The following CNTN5 variants were observed in gnomAD, a reference collection of about 807,000 sequenced individuals.
CNTN5 encodes the protein contactin 5, also known as contactin-5.
Under a neutral mutation model 129.1 loss-of-function variants are expected in CNTN5, and 77 were observed. The ratio of observed to expected loss-of-function variants is 0.60; its 90% CI spans 0.50 to 0.72. CNTN5 has a LOEUF of 0.72. Among genes scored for constraint, CNTN5 ranks in the 30% least tolerant of loss-of-function variants. The pLI, the probability that CNTN5 is intolerant of heterozygous loss-of-function variation, is 0.00. For missense variants in CNTN5, 1,478 were observed against 1,328.8 expected, an observed-to-expected ratio of 1.11 and a Z score of -1.75; for synonymous variants, 509 against 465.6, an observed-to-expected ratio of 1.09 and a Z score of -1.20.
chr11:99,954,179 G>A (rs1350581826), intron 7 of CNTN5, among the ~76,000 whole-genome samples: 1 of 152,020 alleles, frequency 6.6e-6, no homozygotes, highest in Non-Finnish European at 1.5e-5. Flanking sequence ...ATAGAAAAAT[G>A]GGGAAAAAAA....
intron 16 of CNTN5, among the ~76,000 whole-genome samples, chr11:100,243,087 G>T (rs1949775142): frequency 6.6e-6 from 1 of 152,162 alleles, no homozygotes; most frequent in East Asian, 1.9e-4. Context: ...TTCTCACGCT[G>T]CATCCTACTT....
chr11:99,734,341 A>G (rs995353192), intron 3 of CNTN5, among the ~76,000 whole-genome samples: 6 of 152,092 alleles, frequency 3.9e-5, no homozygotes, highest in African/African-American at 1.2e-4. Context: ...CATTCTATCT[A>G]ACTGTATTTT....
At position 99,302,132 on chromosome 11, in the gene CNTN5, A is replaced by C. The variant is rs1864670476; in HGVS notation, c.-209-23214A>C. 3.3e-5 allele frequency among the ~76,000 whole-genome samples: 5 copies of C among 151,774 alleles called. No individual in the cohort carries two copies. The South Asian group carries it at 1.0e-3, about 31-fold the overall frequency. On this transcript the variant is annotated intron_variant, in intron 1 of 24. Transcript: ENST00000524871. Reference sequence around the variant, plus strand: ...AAATTTCTATATTAAAAAAGATGAAAGATCTCAAATAAATAATCTTCCAAC... The same window carrying C: ...AAATTTCTATATTAAAAAAGATGAACGATCTCAAATAAATAATCTTCCAAC...
chr11:99,636,580 A>T (rs1389217199), intron 3 of CNTN5, among the ~76,000 whole-genome samples: 2 of 152,140 alleles, frequency 1.3e-5, no homozygotes, highest in East Asian at 3.9e-4. Flanking sequence ...AAAGAAATGT[A>T]GGATTAGAAT....
At chr11:99,755,894 G>T (rs9666644) in intron 3 of CNTN5, among the ~76,000 whole-genome samples, 27,117 of 151,972 alleles carry the variant, frequency 0.18, 3,308 homozygotes, top group East Asian at 0.62. Context: ...ATGAATAAAA[G>T]CTGGCAAACT....
intron 3 of CNTN5, among the ~76,000 whole-genome samples, chr11:99,772,461 A>G (rs546729393): frequency 1.3e-5 from 2 of 152,178 alleles, no homozygotes; most frequent in South Asian, 4.1e-4. Flanking sequence ...TGCTCCTGAC[A>G]TATTCCTGTA....
chr11:100,315,107 T>A (rs959829662), intron 21 of CNTN5, among the ~76,000 whole-genome samples: 11 of 152,126 alleles, frequency 7.2e-5, no homozygotes, highest in Admixed American at 6.5e-4. Flanking sequence ...TGGTAGCTCC[T>A]TTTGCTGATA....
chr11:100,129,507 C>T (rs1946305997), intron 13 of CNTN5, among the ~76,000 whole-genome samples: 1 of 152,212 alleles, frequency 6.6e-6, no homozygotes, highest in East Asian at 1.9e-4. Flanking sequence ...GATAAAACTG[C>T]AGTTGCTTAG....
intron 9 of CNTN5, among the ~76,000 whole-genome samples, chr11:100,049,683 A>C (rs1301755585): frequency 6.6e-6 from 1 of 152,212 alleles, no homozygotes; most frequent in East Asian, 1.9e-4. Context: ...CAGATTGAAC[A>C]GGCAACCTAC....
At chr11:99,480,070 T>C (rs1225374281) in intron 2 of CNTN5, among the ~76,000 whole-genome samples, 1 of 152,182 alleles carries the variant, frequency 6.6e-6, no homozygotes, top group African/African-American at 2.4e-5. Context: ...TTGTTGCTAT[T>C]CAACTTTAAT....
At chr11:99,037,578 T>TTC (rs1207534101) in intron 1 of CNTN5, among the ~76,000 whole-genome samples, 12 of 125,246 alleles carry the variant, frequency 9.6e-5, no homozygotes, top group East Asian at 4.9e-4. Flanking sequence ...TTTCTTTTCT[T>TTC]TTTTTTTTTT....
chr11:100,348,616 T>G (rs889113874), intron 23 of CNTN5, among the ~76,000 whole-genome samples: 1 of 151,970 alleles, frequency 6.6e-6, no homozygotes, highest in Non-Finnish European at 1.5e-5. Flanking sequence ...CCTCACCAAT[T>G]TACATACTTT....
chr11:99,573,295 G>T (rs1447354707), intron 3 of CNTN5, among the ~76,000 whole-genome samples: 1 of 152,042 alleles, frequency 6.6e-6, no homozygotes, highest in Non-Finnish European at 1.5e-5. Flanking sequence ...TCCTGGCCGG[G>T]TGCAGTGGCT....
chr11:99,724,235 T>C (rs764095027), intron 3 of CNTN5, among the ~76,000 whole-genome samples: 11 of 152,134 alleles, frequency 7.2e-5, no homozygotes, highest in Non-Finnish European at 1.3e-4. Context: ...CTTTGTTTTT[T>C]TCTAAGACAT....
chr11:99,719,806 A>C (rs934439897), intron 3 of CNTN5, among the ~76,000 whole-genome samples: 1 of 152,110 alleles, frequency 6.6e-6, no homozygotes, highest in Non-Finnish European at 1.5e-5. Context: ...AAGAAAAGAG[A>C]GACTATCTAA....
At chr11:99,866,645 A>G (rs571456366) in intron 6 of CNTN5, among the ~76,000 whole-genome samples, 1 of 152,316 alleles carries the variant, frequency 6.6e-6, no homozygotes, top group African/African-American at 2.4e-5. Flanking sequence ...AAGTTTAGGA[A>G]CTAGTGCTAA....
At chr11:99,530,776 G>C (rs1166086579) in intron 2 of CNTN5, among the ~76,000 whole-genome samples, 2 of 152,106 alleles carry the variant, frequency 1.3e-5, no homozygotes, top group African/African-American at 2.4e-5. Flanking sequence ...TTCCGCTTCT[G>C]TTTCTTCCTC....
intron 2 of CNTN5, among the ~76,000 whole-genome samples, chr11:99,398,841 C>T (rs1445040383): frequency 6.6e-6 from 1 of 151,746 alleles, no homozygotes; most frequent in Non-Finnish European, 1.5e-5. Context: ...GCTGACAACT[C>T]ATATCACCTC....
chr11:99,689,324 G>C (rs1045732999), intron 3 of CNTN5, among the ~76,000 whole-genome samples: 1 of 151,764 alleles, frequency 6.6e-6, no homozygotes, highest in African/African-American at 2.4e-5. Context: ...TCAGGAGATC[G>C]AGACCATCCT....
Sources: allele counts gnomAD v4.1 joint callset (sites outside exome capture counted in the v4.1 genomes callset), GRCh38; gene constraint gnomAD v4.1.1; transcripts MANE v1.5; gene names NCBI Gene and HGNC (gene_info 2026-07-23, HGNC 2026-07-21).